COBLL1: variants seen among roughly 807,000 people sequenced by gnomAD.
COBLL1 encodes cordon-bleu WH2 repeat protein like 1.
In COBLL1, 50 loss-of-function variants were observed where a neutral mutation model predicts 94.8. The observed-to-expected ratio is 0.53, with a 90% CI of 0.42 to 0.67. The LOEUF is 0.67. Ranked by LOEUF, COBLL1 falls within the 30% of genes least tolerant of loss-of-function variation. The pLI is 0.00. For missense variants in COBLL1, 1,362 were observed against 1,348.7 expected (o/e 1.01, Z -0.15); for synonymous variants, 448 against 473.8 (o/e 0.95, Z 0.71).
intron 13 of COBLL1, chr2:164,687,324 C>T (rs927214316): frequency 1.5e-6 from 1 of 657,138 alleles, no homozygotes; most frequent in Non-Finnish European, 2.8e-6. Context: ...AGGGCCACAA[C>T]TGGGGATGTA....
At chr2:164,671,302 TG>T (rs1691237422) in intron 1 of COBLL1, among the ~76,000 whole-genome samples, 1 of 152,204 alleles carries the variant, frequency 6.6e-6, no homozygotes. Flanking sequence ...CTTCCTTTTT[TG>T]TTTTTTTGTC....
chr2:164,789,623 T>C (rs1192873755), intron 2 of COBLL1, among the ~76,000 whole-genome samples: 1 of 152,214 alleles, frequency 6.6e-6, no homozygotes, highest in Non-Finnish European at 1.5e-5. Flanking sequence ...CAAAAGCCTA[T>C]ATTTTTAGCA....
rs908141048 is a variant in COBLL1, at chr2:164,685,109, A to C, written c.*837T>G. 1.3e-5 allele frequency: 2 copies of C among 152,182 alleles called. No homozygotes were observed. Among genetic ancestry groups the C allele is most frequent in the Non-Finnish European group, 2.9e-5 (2 of 68,008 alleles). The allele number at this position is 152,182 out of a possible 1,614,324, so 9.4% of individuals were successfully genotyped here. On this transcript the variant is annotated 3_prime_UTR_variant, in exon 14 of 14. Coordinates refer to ENST00000652658, the MANE Select transcript of COBLL1 (RefSeq NM_001365672.2). ...TCCAAATAGTCTTTAAAGTTTTTCA[A>C]TATAAACATAAACTAACCCCTATTC...
At chr2:164,804,690 A>G (rs1683998358) in intron 2 of COBLL1, among the ~76,000 whole-genome samples, 1 of 152,186 alleles carries the variant, frequency 6.6e-6, no homozygotes. Flanking sequence ...TTCTTTGCAA[A>G]TATATTCACC....
chr2:164,724,779 G>A (rs1685633237), intron 5 of COBLL1: 1 of 151,884 alleles, frequency 6.6e-6, no homozygotes, highest in South Asian at 2.1e-4. Flanking sequence ...GCAAAATAGG[G>A]ACTACTTCAG....
intron 2 of COBLL1, among the ~76,000 whole-genome samples, chr2:164,769,923 T>C (rs1688126921): frequency 6.6e-6 from 1 of 152,206 alleles, no homozygotes; most frequent in Non-Finnish European, 1.5e-5. Flanking sequence ...AAGTCTCAAA[T>C]GTTACCTTGT....
intron 1 of COBLL1, among the ~76,000 whole-genome samples, chr2:164,675,103 C>G (rs1691315260): frequency 6.6e-6 from 1 of 151,958 alleles, no homozygotes; most frequent in Admixed American, 6.6e-5. Flanking sequence ...GGACCTTTGT[C>G]TTGATAAAGA....
intron 2 of COBLL1, among the ~76,000 whole-genome samples, chr2:164,758,453 C>T (rs922438202): frequency 6.6e-6 from 1 of 152,070 alleles, no homozygotes; most frequent in African/African-American, 2.4e-5. Context: ...AACCACAAAA[C>T]CATGTCCCAA....
At chr2:164,670,476 T>C (rs1440595049) in intron 1 of COBLL1, among the ~76,000 whole-genome samples, 2 of 152,216 alleles carry the variant, frequency 1.3e-5, no homozygotes, top group Non-Finnish European at 2.9e-5. Flanking sequence ...GCAATCTTAT[T>C]GCTCACTCTT....
chr2:164,732,161 T>C (rs1686049961), intron 3 of COBLL1, among the ~76,000 whole-genome samples: 1 of 152,048 alleles, frequency 6.6e-6, no homozygotes, highest in Non-Finnish European at 1.5e-5. Flanking sequence ...TAAAGAAAAA[T>C]AAATAAATCA....
chr2:164,705,091 T>C lies in COBLL1; in HGVS notation c.1011A>G (p.Ala337=). Residue 337 remains alanine (A), a synonymous_variant, in exon 8 of 14, where the codon GCA becomes GCG. Coordinates refer to ENST00000652658, the MANE Select transcript of COBLL1 (RefSeq NM_001365672.2). ...GCAGTGAACCTGCCCTCACTCTTCC[T>C]GCTTCACAGGGACTCTGGAAAACAA... ...VDETDKSPCE[A]GRVRAGSLQL... The C allele has an allele frequency of 6.5e-7, 1 of 1,536,056 alleles. No homozygotes were observed. Among genetic ancestry groups the C allele is most frequent in the Non-Finnish European group, 8.7e-7 (1 of 1,144,340 alleles).
At chr2:164,733,549 A>G (rs1686133792) in intron 3 of COBLL1, among the ~76,000 whole-genome samples, 1 of 152,230 alleles carries the variant, frequency 6.6e-6, no homozygotes, top group East Asian at 1.9e-4. Context: ...TGTCTTGAAA[A>G]TATTCCTATT....
intron 2 of COBLL1, among the ~76,000 whole-genome samples, chr2:164,777,359 CATTACTGTTAAAG>C (rs1688515306): frequency 6.7e-6 from 1 of 148,862 alleles, no homozygotes; most frequent in South Asian, 2.1e-4. Context: ...CACACACACA[CATTACTGTTAAAG>C]ACAGACAGAA....
Position 164,700,446 on chromosome 2 carries a change from T to C in COBLL1, c.1460+76A>G. 4 of 877,110 alleles carry C rather than the reference T, an allele frequency of 4.6e-6. No homozygotes were observed. In the South Asian group the frequency reaches 6.8e-5, roughly 15 times the overall value. The allele number at this position is 877,110 out of a possible 1,614,324, so 54.3% of individuals were successfully genotyped here. A position where few individuals can be genotyped will look rare whatever the true frequency, so the allele number is the denominator to read the frequency against. On this transcript the variant is annotated intron_variant, in intron 10 of 13. Transcript: ENST00000652658. ...GGGCTGACTATATTTATGTTTAAAATATCAGATCTATATTTCAGAAGACTA... is the reference window on the plus strand; with the variant it reads ...GGGCTGACTATATTTATGTTTAAAACATCAGATCTATATTTCAGAAGACTA...
At chr2:164,746,841 T>G (rs576567091) in intron 2 of COBLL1, among the ~76,000 whole-genome samples, 59 of 152,204 alleles carry the variant, frequency 3.9e-4, no homozygotes, top group African/African-American at 1.3e-3. Context: ...ACATCCAGAA[T>G]ACCAGGCCCT....
rs1459496999 is a variant in COBLL1, at chr2:164,665,339, AAAGAAAGAAAG to A, written n.181+497_181+507del. ...GAGCAAGATTCTGTGTCAAAAAAAAAAAGAAAGAAAGAAAGAAAGAAAGAAAGAATGAATAG... is the reference window on the plus strand; with the variant it reads ...GAGCAAGATTCTGTGTCAAAAAAAAAAAAGAAAGAAAGAAAGAATGAATAG... On this transcript the variant is annotated intron_variant and non_coding_transcript_variant, in intron 2 of 2. Coordinates refer to the COBLL1 transcript ENST00000495084. 9.7e-5 allele frequency among the ~76,000 whole-genome samples: 14 copies of A among 143,974 alleles called. No individual in the cohort carries two copies. In the East Asian group the frequency reaches 2.3e-3, roughly 23 times the overall value. The allele number at this position is 143,974 out of a possible 152,430, so 94.5% of individuals were successfully genotyped here.
chr2:164,828,318 C>T (rs1431108602), intron 2 of COBLL1, among the ~76,000 whole-genome samples: 1 of 152,062 alleles, frequency 6.6e-6, no homozygotes, highest in Admixed American at 6.6e-5. Flanking sequence ...AAGAATATGG[C>T]CTTTTCCTTT....
intron 9 of COBLL1, among the ~76,000 whole-genome samples, 155 bp from the exon 10 acceptor site, chr2:164,700,911 G>C (rs1684219064): frequency 6.6e-6 from 1 of 152,112 alleles, no homozygotes; most frequent in African/African-American, 2.4e-5. Context: ...CTGGTGAGCA[G>C]TCACGTTAAC....
chr2:164,808,328 T>C (rs887676961), intron 2 of COBLL1, among the ~76,000 whole-genome samples: 6 of 152,178 alleles, frequency 3.9e-5, no homozygotes, highest in Non-Finnish European at 7.3e-5. Flanking sequence ...GATTATACAA[T>C]AGCTTAGGGA....
Sources: gnomAD v4.1 joint callset for allele counts (sites outside exome capture counted in the v4.1 genomes callset) on GRCh38, gnomAD v4.1.1 for gene constraint, MANE v1.5 for transcripts, NCBI Gene and HGNC (gene_info 2026-07-23, HGNC 2026-07-21) for gene names.